POLE: variants seen among roughly 807,000 people sequenced by gnomAD.
POLE encodes the protein DNA polymerase epsilon, catalytic subunit, also known as DNA polymerase epsilon catalytic subunit A.
POLE carries 188 observed loss-of-function variants against 279.2 expected under a neutral mutation model. The observed-to-expected ratio is 0.67, with a 90% CI of 0.60 to 0.76. POLE has a LOEUF of 0.76. POLE is among the 30% of genes least tolerant of loss of function. POLE has a pLI of 0.00. For missense variants in POLE, 2,703 were observed against 3,016.7 expected, an observed-to-expected ratio of 0.90 and a Z score of 2.44; for synonymous variants, 1,214 against 1,172.5, an observed-to-expected ratio of 1.04 and a Z score of -0.72.
intron 29 of POLE, among the ~76,000 whole-genome samples, chr12:132,653,848 T>C (rs980725873): frequency 9.2e-6 from 1 of 108,244 alleles, no homozygotes; most frequent in African/African-American, 4.7e-5. Context: ...ATTCTGATTT[T>C]GATTGTTCAA....
intron 1 of POLE, 128 bp from the exon 2 acceptor site, chr12:132,681,407 G>C (rs1468772588): frequency 7.9e-6 from 7 of 886,424 alleles, no homozygotes; most frequent in Non-Finnish European, 1.1e-5. Flanking sequence ...GCAGTGGTGT[G>C]ATCTCGGCTC....
intron 12 of POLE, among the ~76,000 whole-genome samples, chr12:132,674,539 C>T (rs575537938): frequency 6.6e-6 from 1 of 152,170 alleles, no homozygotes; most frequent in Non-Finnish European, 1.5e-5. Flanking sequence ...CCTGTCTCCA[C>T]GGATGGCACA....
chr12:132,653,138 G>GC (rs1295926824), intron 29 of POLE, among the ~76,000 whole-genome samples: 1 of 151,722 alleles, frequency 6.6e-6, no homozygotes, highest in East Asian at 1.9e-4. Flanking sequence ...CCAGTGCTTT[G>GC]GGGGGGGCCC....
Position 132,667,351 on chromosome 12 carries a change from C to A in POLE, c.2319+152G>T, listed in dbSNP as rs2042819454. 3.8e-6 allele frequency: 3 copies of A among 793,870 alleles called. No individual in the cohort carries two copies. The South Asian group carries it at 5.0e-5, about 13-fold the overall frequency. 49.2% of individuals were successfully genotyped at this position (793,870 alleles called of 1,614,324 possible). ...GATGGTCTGCATCCTTCGTGGCCAT[C>A]AACTCTTCCAAGTCAAAAACAATTG... On this transcript the variant is annotated intron_variant, in intron 20 of 48. Coordinates refer to ENST00000320574, the MANE Select transcript of POLE (RefSeq NM_006231.4).
intron 6 of POLE, among the ~76,000 whole-genome samples, chr12:132,679,013 A>G (rs1312316539): frequency 6.6e-6 from 1 of 152,242 alleles, no homozygotes. Flanking sequence ...GAAGTCATCT[A>G]AACTTCATTA....
At chr12:132,683,427 C>G (rs1230895245) in intron 1 of POLE, among the ~76,000 whole-genome samples, 1 of 152,110 alleles carries the variant, frequency 6.6e-6, no homozygotes, top group Non-Finnish European at 1.5e-5. Context: ...ATATAACCAA[C>G]CAGACACTTT....
intron 40 of POLE, chr12:132,638,561 T>C (rs927268905): frequency 2.9e-4 from 49 of 167,642 alleles, no homozygotes; most frequent in African/African-American, 9.4e-4. Flanking sequence ...TCCCCGGCCA[T>C]GTTGGTGAGG....
In POLE at chr12:132,679,644, T is replaced by C. The variant is rs755709875; in HGVS notation, c.431A>G (p.His144Arg). Residue 144 changes from histidine (H) to arginine (R), a missense_variant, in exon 6 of 49, where the codon CAC (histidine) becomes CGC (arginine). Around this residue, in one of 5 missense-constraint regions of POLE, gnomAD observed 1,011 missense variants for 1,111.7 expected, o/e 0.91. Coordinates refer to ENST00000320574, the MANE Select transcript of POLE (RefSeq NM_006231.4). ...GTAATTTCGCTTCAAACCCACCAAG[T>C]GATTTGGCTATAATGCGAAGAGATC... ...VPKEDLDLPN[H>R]LVGLKRNYIR... The C allele has an allele frequency of 6.2e-5, 99 of 1,609,384 alleles. No homozygotes were observed. The highest frequency in any genetic ancestry group is 3.3e-4 in the Middle Eastern group (2 of 6,076).
rs2138486619 is a variant in POLE at position 132,635,986 on chromosome 12, G to T, written c.5717C>A (p.Ser1906Tyr). The T allele has an allele frequency of 6.2e-7, 1 of 1,614,004 alleles. No individual in the cohort carries two copies. The change falls in exon 42 of 49, where the codon TCT becomes TAT. Residue 1906 changes from serine to tyrosine, a missense_variant. By Grantham distance (144) the Ser-to-Tyr change is moderately radical. Around this residue, in one of 5 missense-constraint regions of POLE, gnomAD observed 1,551 missense variants for 1,686.1 expected, o/e 0.92. Transcript: ENST00000320574. ...AAGAAATTCCCAGCATCGAGAGAAA[G>T]AAATTGTCAGAGAATGGAAGGTCTC... ...SKETFHSLTI[S>Y]FSRCWEFLLW... is the part of the protein sequence containing the mutation.
intron 41 of POLE, among the ~76,000 whole-genome samples, chr12:132,637,396 T>A (rs756242122): frequency 3.0e-4 from 46 of 152,298 alleles, no homozygotes; most frequent in Non-Finnish European, 6.0e-4. Context: ...ATCCCCAGGG[T>A]GAGCGCACCT....
chr12:132,642,379 A>G lies in POLE; in HGVS notation c.4971T>C (p.Ile1657=), dbSNP rs1555222518. 1.3e-6 allele frequency: 2 copies of G among 1,578,702 alleles called. No individual in the cohort carries two copies. Among genetic ancestry groups the G allele is most frequent in the Admixed American group, 3.5e-5 (2 of 57,312 alleles). ...FEMSRYFHIP[I]GNLPEDISTF... Reference sequence around the variant, plus strand: ...TGGAGATGTCCTCTGGTAGGTTCCCAATGGGAATGTGAAAGTACCTGCACC... The same window carrying G: ...TGGAGATGTCCTCTGGTAGGTTCCCGATGGGAATGTGAAAGTACCTGCACC... The change falls in exon 38 of 49, where the codon ATT becomes ATC. Residue 1657 remains isoleucine (I), a synonymous_variant. Transcript: ENST00000320574.
chr12:132,660,560 T>TA (rs1164266629), intron 25 of POLE: 1 of 155,784 alleles, frequency 6.4e-6, no homozygotes, highest in Non-Finnish European at 1.4e-5. Flanking sequence ...TTAAGGTATG[T>TA]AAACTGTCAA....
chr12:132,658,158 ATGTGTAAACACGTGCGTG>A, intron 26 of POLE, 188 bp from the exon 27 acceptor site: 1 of 396,972 alleles, frequency 2.5e-6, no homozygotes, highest in Non-Finnish European at 4.4e-6. Flanking sequence ...ACACGTGCGT[ATGTGTAAACACGTGCGTG>A]TGTGCACGTA....
chr12:132,680,733 A>C (rs1288884585), intron 2 of POLE, 46 bp from the exon 3 acceptor site: 3 of 1,451,068 alleles, frequency 2.1e-6, no homozygotes, highest in Non-Finnish European at 2.9e-6. Context: ...TCCTCTACAC[A>C]GTTAGAGAAA....
chr12:132,664,874 C>A lies in POLE; in HGVS notation c.2469-412G>T, dbSNP rs2042756234. Among the ~76,000 whole-genome samples, 2 of 152,068 alleles carry A rather than the reference C, an allele frequency of 1.3e-5. No individual in the cohort carries two copies. Among genetic ancestry groups the A allele is most frequent in the African/African-American group, 4.8e-5 (2 of 41,400 alleles). ...TCCTCCAGCCTGGGTCCCAGCCCTG[C>A]TGTCAGCTGTCCCACCCTCCCCTCC... On this transcript the variant is annotated intron_variant, in intron 21 of 48. Transcript: ENST00000320574. This position sits in a 1 kb window ranked among gnomAD's most constrained non-coding sequence, Gnocchi z 5.3.
intron 32 of POLE, among the ~76,000 whole-genome samples, chr12:132,646,016 C>T (rs2042275573): frequency 6.6e-6 from 1 of 152,148 alleles, no homozygotes. Flanking sequence ...GCTAATTCCA[C>T]GTCTGGAAGT....
At position 132,672,342 on chromosome 12, in the gene POLE, A is replaced by G. The variant is rs1410815508; in HGVS notation, c.1687-20T>C. The stretch of plus-strand genomic sequence containing the variant: ...AGGATTCTAGCACAACAGTGAGACG[A>G]CGGGGTCAGAGGGGAAACACACCCA... On this transcript the variant is annotated intron_variant, in intron 15 of 48. Coordinates refer to ENST00000320574, the MANE Select transcript of POLE (RefSeq NM_006231.4). The G allele has an allele frequency of 1.5e-5, 24 of 1,595,634 alleles. No individual in the cohort carries two copies. Among genetic ancestry groups the G allele is most frequent in the Non-Finnish European group, 2.0e-5 (23 of 1,163,430 alleles).
In POLE at chr12:132,644,089, G is replaced by A. The variant is rs1486641251; in HGVS notation, c.4150-112C>T. 1.8e-5 allele frequency: 19 copies of A among 1,065,432 alleles called. No homozygotes were observed. In the East Asian group the frequency reaches 2.4e-4, roughly 14 times the overall value. The allele number at this position is 1,065,432 out of a possible 1,614,324, so 66.0% of individuals were successfully genotyped here. On this transcript the variant is annotated intron_variant, in intron 32 of 48. Coordinates refer to ENST00000320574, the MANE Select transcript of POLE (RefSeq NM_006231.4). Reference sequence around the variant, plus strand: ...CTAGACTTCTGGTGCCCCTAGCGACGGGGTACACCCACCACGCCACAGTCC... The same window carrying A: ...CTAGACTTCTGGTGCCCCTAGCGACAGGGTACACCCACCACGCCACAGTCC...
intron 29 of POLE, 49 bp downstream of exon 29, chr12:132,657,087 G>A: frequency 6.3e-7 from 1 of 1,599,952 alleles, no homozygotes. Context: ...CTGGAGTCCT[G>A]TGTGTCACAA....
Sources: gnomAD v4.1 joint callset for allele counts (sites outside exome capture counted in the v4.1 genomes callset) on GRCh38, gnomAD v4.1.1 for gene constraint, gnomAD v4.1.1 regional missense constraint, Gnocchi (gnomAD v3.1) non-coding constraint, MANE v1.5 for transcripts, NCBI Gene and HGNC (gene_info 2026-07-23, HGNC 2026-07-21) for gene names.